The following GTF2A1 variants were observed in gnomAD, a reference collection of about 807,000 sequenced individuals.
GTF2A1 encodes the protein general transcription factor IIA subunit 1, also known as transcription initiation factor IIA subunit 1.
GTF2A1 carries 12 observed loss-of-function variants against 54.1 expected under a neutral mutation model. The observed-to-expected ratio is 0.22, with a 90% CI of 0.14 to 0.36. GTF2A1 has a LOEUF of 0.36. Among genes scored for constraint, GTF2A1 ranks in the 10% least tolerant of loss-of-function variants. The probability of loss-of-function intolerance (pLI) is 1.00; values close to 1 mark genes in which losing one functional copy is unlikely to be tolerated. For synonymous variants in GTF2A1, 145 were observed against 152.0 expected (o/e 0.95, Z 0.34); for missense variants, 335 against 442.2 (o/e 0.76, Z 2.17).
intron 8 of GTF2A1, among the ~76,000 whole-genome samples, chr14:81,185,023 T>G (rs983819007): frequency 1.7e-4 from 26 of 152,216 alleles, no homozygotes; most frequent in Admixed American, 3.3e-4. Context: ...TAAAAATTCC[T>G]TAATGTTAGC....
chr14:81,201,680 T>C, intron 3 of GTF2A1, 22 bp from the exon 4 acceptor site: 1 of 1,562,936 alleles, frequency 6.4e-7, no homozygotes, highest in Non-Finnish European at 8.8e-7. Context: ...CAAGCGAACA[T>C]GCAAACAAGG....
chr14:81,184,589 T>C (rs1892702602), intron 8 of GTF2A1, among the ~76,000 whole-genome samples: 1 of 152,160 alleles, frequency 6.6e-6, no homozygotes, highest in African/African-American at 2.4e-5. Flanking sequence ...TATAGATCTG[T>C]TTGAAGTAAG....
intron 7 of GTF2A1, among the ~76,000 whole-genome samples, chr14:81,187,046 T>C (rs1316765804): frequency 6.6e-6 from 1 of 152,100 alleles, no homozygotes; most frequent in Non-Finnish European, 1.5e-5. Flanking sequence ...ATAGGTATCA[T>C]CAATGTAAAA....
chr14:81,204,788 G>A (rs1228524455), intron 2 of GTF2A1, among the ~76,000 whole-genome samples: 5 of 152,140 alleles, frequency 3.3e-5, no homozygotes, highest in African/African-American at 4.8e-5. Flanking sequence ...TAGGTTCTAT[G>A]ATGGGAAAAA....
At chr14:81,195,404 C>T (rs1474695307) in intron 6 of GTF2A1, among the ~76,000 whole-genome samples, 1 of 151,412 alleles carries the variant, frequency 6.6e-6, no homozygotes, top group Non-Finnish European at 1.5e-5. Flanking sequence ...GAGGCCGAGG[C>T]GGGTGGATCA....
intron 2 of GTF2A1, among the ~76,000 whole-genome samples, chr14:81,215,180 A>G (rs1893460287): frequency 6.6e-6 from 1 of 152,236 alleles, no homozygotes; most frequent in Non-Finnish European, 1.5e-5. Context: ...AATATCAAAC[A>G]ATCAAATTTC....
intron 3 of GTF2A1, among the ~76,000 whole-genome samples, chr14:81,202,028 G>A (rs1169733134): frequency 6.6e-6 from 1 of 151,916 alleles, no homozygotes. Context: ...TGGGTGTCAG[G>A]CTGAGGCATG....
rs972668004 is a variant in GTF2A1, at chr14:81,179,183, C to A, written c.*1040G>T. On this transcript the variant is annotated 3_prime_UTR_variant, in exon 9 of 9. Coordinates refer to ENST00000553612, the MANE Select transcript of GTF2A1 (RefSeq NM_015859.4). Reference sequence around the variant, plus strand: ...TGAATTAGAATAGATTTTTAAAATTCTTTACTAGTAAACACAAGAAACTTT... The same window carrying A: ...TGAATTAGAATAGATTTTTAAAATTATTTACTAGTAAACACAAGAAACTTT... 3 of 152,086 alleles carry A rather than the reference C, an allele frequency of 2.0e-5. No individual in the cohort carries two copies. The highest frequency in any genetic ancestry group is 2.9e-5 in the Non-Finnish European group (2 of 68,026). 9.4% of individuals were successfully genotyped at this position (152,086 alleles called of 1,614,324 possible). A position where few individuals can be genotyped will look rare whatever the true frequency, so the allele number is the denominator to read the frequency against.
intron 6 of GTF2A1, among the ~76,000 whole-genome samples, chr14:81,195,283 G>GA (rs1892968376): frequency 6.6e-6 from 1 of 150,854 alleles, no homozygotes; most frequent in South Asian, 2.1e-4. Flanking sequence ...AAGAGGCTGA[G>GA]AAAAAAACAG....
intron 6 of GTF2A1, among the ~76,000 whole-genome samples, chr14:81,195,605 C>A (rs1308977735): frequency 1.5e-5 from 2 of 132,292 alleles, no homozygotes; most frequent in African/African-American, 2.9e-5. Flanking sequence ...GCACTCCAGC[C>A]TGGGTGAAAG....
intron 3 of GTF2A1, among the ~76,000 whole-genome samples, chr14:81,203,340 CTT>C (rs1893155401): frequency 6.6e-6 from 1 of 151,956 alleles, no homozygotes; most frequent in Non-Finnish European, 1.5e-5. Context: ...TATATCCACT[CTT>C]AACTTAAAAT....
chr14:81,204,337 T>A (rs765006566), intron 2 of GTF2A1: 82 of 649,410 alleles, frequency 1.3e-4, no homozygotes, highest in Non-Finnish European at 1.8e-4. Context: ...TTCTTTTTTT[T>A]ATCTTCCAAT....
chr14:81,220,411 C>T, intron 1 of GTF2A1, 78 bp downstream of exon 1: 6 of 1,011,568 alleles, frequency 5.9e-6, no homozygotes, highest in Non-Finnish European at 8.5e-6. Flanking sequence ...GGAGTCGCCG[C>T]CGTCCCCGCC....
In GTF2A1 at chr14:81,175,728, CAG is replaced by C. The variant is rs1292966481; in HGVS notation, c.*4493_*4494del. 2.6e-5 allele frequency: 4 copies of C among 152,054 alleles called. No individual in the cohort carries two copies. The highest frequency in any genetic ancestry group is 4.4e-5 in the Non-Finnish European group (3 of 68,000). 9.4% of individuals were successfully genotyped at this position (152,054 alleles called of 1,614,324 possible). On this transcript the variant is annotated 3_prime_UTR_variant, in exon 9 of 9. Transcript: ENST00000553612. Reference sequence around the variant, plus strand: ...ACTAAGAGGAAGTGGTTTGACTAAACAGAGAAATAACAATGTTTTTATCCTAA... The same window carrying C: ...ACTAAGAGGAAGTGGTTTGACTAAACAGAAATAACAATGTTTTTATCCTAA...
At chr14:81,217,116 G>A (rs77880844) in intron 1 of GTF2A1, among the ~76,000 whole-genome samples, 7,178 of 152,156 alleles carry the variant, frequency 0.047, 293 homozygotes, top group East Asian at 0.15. Context: ...CTCTACTACT[G>A]CCCAGGTAAT....
At chr14:81,196,810 ATCT>A (rs1200232006) in intron 5 of GTF2A1, among the ~76,000 whole-genome samples, 2 of 152,236 alleles carry the variant, frequency 1.3e-5, no homozygotes, top group African/African-American at 4.8e-5. Context: ...AGCAAATTAC[ATCT>A]TATTAAAATA....
At chr14:81,203,446 A>G (rs562295279) in intron 3 of GTF2A1, among the ~76,000 whole-genome samples, 1 of 152,368 alleles carries the variant, frequency 6.6e-6, no homozygotes, top group South Asian at 2.1e-4. Context: ...AATGTAAGAT[A>G]TATTTTAAAA....
chr14:81,189,395 G>A (rs1202040958), intron 7 of GTF2A1, among the ~76,000 whole-genome samples: 1 of 152,216 alleles, frequency 6.6e-6, no homozygotes. Flanking sequence ...CAAGTGGCCA[G>A]GCGCGGTGGC....
chr14:81,203,960 G>C lies in GTF2A1; in HGVS notation c.277C>G (p.Gln93Glu), dbSNP rs748662198. The C allele has an allele frequency of 3.7e-6, 6 of 1,614,000 alleles. No homozygotes were observed. Among genetic ancestry groups the C allele is most frequent in the Non-Finnish European group, 8.5e-7 (1 of 1,180,016 alleles). Residue 93 changes from glutamine (Q) to glutamate (E), a missense_variant, in exon 3 of 9, where the codon CAG becomes GAG. Around this residue, in one of 2 missense-constraint regions of GTF2A1, gnomAD observed 306 missense variants for 360.4 expected, o/e 0.85. Transcript: ENST00000553612. The stretch of plus-strand genomic sequence containing the variant: ...TGCGCTTGCTGAGGTACTGTCTGCT[G>C]AGGCTGAGCTTGCTGATGATGGTGA... Reference protein sequence around the residue: ...HHHHHQQAQPQQTVPQQAQTQ... With the variant: ...HHHHHQQAQPEQTVPQQAQTQ...
Sources: allele counts gnomAD v4.1 joint callset (sites outside exome capture counted in the v4.1 genomes callset), GRCh38; gene constraint gnomAD v4.1.1; regional missense constraint gnomAD v4.1.1; transcripts MANE v1.5; gene names NCBI Gene and HGNC (gene_info 2026-07-23, HGNC 2026-07-21).